Variants in FYN observed in about 807,000 individuals in gnomAD.
The protein encoded by FYN is FYN proto-oncogene, Src family tyrosine kinase.
Under a neutral mutation model 70.2 loss-of-function variants are expected in FYN, and 10 were observed. The ratio of observed to expected loss-of-function variants is 0.14; its 90% CI spans 0.09 to 0.24. FYN has a LOEUF of 0.24. FYN is among the 10% of genes least tolerant of loss of function. The pLI, the probability that FYN is intolerant of heterozygous loss-of-function variation, is 1.00. For missense variants in FYN, 319 were observed against 673.1 expected, an observed-to-expected ratio of 0.47 and a Z score of 5.82; for synonymous variants, 236 against 248.6, an observed-to-expected ratio of 0.95 and a Z score of 0.48.
intron 3 of FYN, among the ~76,000 whole-genome samples, chr6:111,769,187 T>G (rs1358164043): frequency 6.6e-6 from 1 of 152,228 alleles, no homozygotes; most frequent in Non-Finnish European, 1.5e-5. Context: ...GGGCTGGCTT[T>G]GCAGTGCCAT....
chr6:111,693,490 T>C (rs1000075407), intron 12 of FYN, among the ~76,000 whole-genome samples: 3 of 152,124 alleles, frequency 2.0e-5, no homozygotes, highest in Non-Finnish European at 4.4e-5. Context: ...TTTGTCAGTA[T>C]CTGGGAAGAA....
chr6:111,766,508 T>A (rs1196541686), intron 3 of FYN, among the ~76,000 whole-genome samples: 1 of 152,206 alleles, frequency 6.6e-6, no homozygotes, highest in African/African-American at 2.4e-5. Flanking sequence ...GCTCTTGCTG[T>A]CTATATTAGT....
rs376486970 is a variant in FYN at position 111,694,522 on chromosome 6, C to T, written c.1126G>A (p.Ala376Thr). The T allele has an allele frequency of 5.0e-5, 81 of 1,614,044 alleles. No individual in the cohort carries two copies. The highest frequency in any genetic ancestry group is 6.7e-5 in the Non-Finnish European group (79 of 1,180,004). Reference sequence around the variant, plus strand: ...ATGCGCTCGATGTAAGCCATTCCTGCAGCCACCTGTGGAAACCCAGGGAAC... The same window carrying T: ...ATGCGCTCGATGTAAGCCATTCCTGTAGCCACCTGTGGAAACCCAGGGAAC... ...NLVDMAAQVA[A>T]GMAYIERMNY... Residue 376 changes from alanine to threonine, a missense_variant, in exon 12 of 14, where the codon GCA (alanine) becomes ACA (threonine). Transcript: ENST00000354650. The surrounding 1 kb of genome is among the most constrained non-coding windows in gnomAD (Gnocchi z 5.0).
chr6:111,674,464 A>G, intron 13 of FYN, 35 bp downstream of exon 13: 1 of 1,575,894 alleles, frequency 6.3e-7, no homozygotes, highest in Non-Finnish European at 8.6e-7. Flanking sequence ...AAAGCCTCCA[A>G]TCTCAGGCCC....
chr6:111,760,343 T>C (rs769321970), intron 3 of FYN, among the ~76,000 whole-genome samples: 3 of 152,076 alleles, frequency 2.0e-5, no homozygotes, highest in Non-Finnish European at 4.4e-5. Flanking sequence ...CTCGCTTCCA[T>C]CTGCTTGCAT....
chr6:111,674,942 C>T (rs1583291556), intron 12 of FYN, among the ~76,000 whole-genome samples: 2 of 152,178 alleles, frequency 1.3e-5, no homozygotes, highest in African/African-American at 4.8e-5. Context: ...AATAAACATA[C>T]ATAGGATTTA....
At chr6:111,795,961 C>CATTT (rs1444521964) in intron 2 of FYN, among the ~76,000 whole-genome samples, 1 of 152,220 alleles carries the variant, frequency 6.6e-6, no homozygotes, top group African/African-American at 2.4e-5. Context: ...TAATAGCTAA[C>CATTT]ATTTACTAAA....
intron 2 of FYN, among the ~76,000 whole-genome samples, chr6:111,810,733 C>A (rs1163666899): frequency 6.6e-6 from 1 of 152,302 alleles, no homozygotes; most frequent in African/African-American, 2.4e-5. Context: ...CCTGTGCCTC[C>A]CCGAAAACCC....
Position 111,696,425 on chromosome 6 carries a change from T to C in FYN, c.894A>G (p.Ile298Met), listed in dbSNP as rs1407998435. The C allele has an allele frequency of 6.2e-7, 1 of 1,609,426 alleles. No homozygotes were observed. Among genetic ancestry groups the C allele is most frequent in the Non-Finnish European group, 8.5e-7 (1 of 1,177,760 alleles). The change falls in exon 10 of 14, where the codon ATA becomes ATG. Residue 298 changes from isoleucine (I) to methionine (M), a missense_variant. Physicochemically the swap from Ile to Met is conservative, Grantham distance 10. This residue lies in a region of FYN where 112 missense variants were observed against 250.2 expected (regional missense o/e 0.45). Transcript: ENST00000354650. The part of the protein sequence containing the change: ...GTWNGNTKVA[I>M]KTLKPGTMSP... ...ACATTGTGCCTGGTTTAAGAGTCTT[T>C]ATGGCTACTTTTGTGTTTCCATTCC...
At chr6:111,812,048 T>C (rs1277198056) in intron 2 of FYN, among the ~76,000 whole-genome samples, 2 of 152,224 alleles carry the variant, frequency 1.3e-5, no homozygotes, top group Non-Finnish European at 2.9e-5. Flanking sequence ...TCAAAACACT[T>C]ACATGGAACT....
intron 3 of FYN, among the ~76,000 whole-genome samples, chr6:111,745,104 T>C (rs1446412157): frequency 6.6e-6 from 1 of 152,186 alleles, no homozygotes; most frequent in Non-Finnish European, 1.5e-5. Flanking sequence ...TGCTGCAGTG[T>C]TGAATGAATG....
intron 2 of FYN, among the ~76,000 whole-genome samples, chr6:111,811,987 C>T (rs140392234): frequency 1.3e-5 from 2 of 152,248 alleles, no homozygotes; most frequent in African/African-American, 2.4e-5. Context: ...CAAGGGACCA[C>T]GTCCTAGGAC....
chr6:111,853,651 C>T (rs1012226141), intron 1 of FYN, among the ~76,000 whole-genome samples: 3 of 152,194 alleles, frequency 2.0e-5, no homozygotes, highest in Non-Finnish European at 2.9e-5. Flanking sequence ...CAGGGTCTCA[C>T]TGTGTCACCC....
chr6:111,724,400 T>C (rs535485504), intron 3 of FYN, among the ~76,000 whole-genome samples: 38 of 152,132 alleles, frequency 2.5e-4, no homozygotes, highest in Non-Finnish European at 5.0e-4. Flanking sequence ...ATACACTCCC[T>C]CCTCCTGATG....
intron 2 of FYN, among the ~76,000 whole-genome samples, chr6:111,843,471 A>G (rs1406418468): frequency 6.6e-6 from 1 of 152,228 alleles, no homozygotes; most frequent in African/African-American, 2.4e-5. Flanking sequence ...ATTCTAAAAG[A>G]TTCTGTGGAA....
chr6:111,717,619 G>A (rs560607759), intron 4 of FYN, among the ~76,000 whole-genome samples: 4 of 151,978 alleles, frequency 2.6e-5, no homozygotes, highest in South Asian at 2.1e-4. Context: ...CCACCACCAC[G>A]CCTGGCTAAT....
chr6:111,742,298 T>G (rs1335101235), intron 3 of FYN, among the ~76,000 whole-genome samples: 1 of 152,158 alleles, frequency 6.6e-6, no homozygotes, highest in Non-Finnish European at 1.5e-5. Flanking sequence ...TTCTCCAACT[T>G]TCAGAATGAA....
At chr6:111,701,243 T>C (rs748231497) in intron 8 of FYN, among the ~76,000 whole-genome samples, 1 of 152,166 alleles carries the variant, frequency 6.6e-6, no homozygotes, top group Non-Finnish European at 1.5e-5. Flanking sequence ...GGAACTTAAA[T>C]GCCAAGTAAA....
At chr6:111,811,044 C>T (rs374297788) in intron 2 of FYN, among the ~76,000 whole-genome samples, 1 of 152,204 alleles carries the variant, frequency 6.6e-6, no homozygotes, top group East Asian at 1.9e-4. Flanking sequence ...ATTGGAGCTG[C>T]TTGGCACAGG....
Sources: gnomAD v4.1 joint callset for allele counts (sites outside exome capture counted in the v4.1 genomes callset) on GRCh38, gnomAD v4.1.1 for gene constraint, gnomAD v4.1.1 regional missense constraint, Gnocchi (gnomAD v3.1) non-coding constraint, MANE v1.5 for transcripts, NCBI Gene and HGNC (gene_info 2026-07-23, HGNC 2026-07-21) for gene names.